The following EEPD1 variants were observed in gnomAD, a reference collection of about 807,000 sequenced individuals.
The protein encoded by EEPD1 is endonuclease/exonuclease/phosphatase family domain containing 1, also known as endonuclease/exonuclease/phosphatase family domain-containing protein 1.
A neutral mutation model predicts 46.3 loss-of-function variants in EEPD1; 17 were observed. The ratio of observed to expected loss-of-function variants is 0.37; its 90% CI spans 0.25 to 0.55. The LOEUF is 0.55. Ranked by LOEUF, EEPD1 falls within the 20% of genes least tolerant of loss-of-function variation. The pLI, the probability that EEPD1 is intolerant of heterozygous loss-of-function variation, is 0.83. For synonymous variants in EEPD1, 313 were observed against 315.6 expected (o/e 0.99, Z 0.09); for missense variants, 673 against 745.6 (o/e 0.90, Z 1.13).
At chr7:36,277,216 T>C (rs1787195001) in intron 3 of EEPD1, among the ~76,000 whole-genome samples, 1 of 152,234 alleles carries the variant, frequency 6.6e-6, no homozygotes, top group Non-Finnish European at 1.5e-5. Context: ...GGCCAGGAAG[T>C]AGAGCAGCAG....
At chr7:36,192,773 T>C (rs1398008139) in intron 2 of EEPD1, among the ~76,000 whole-genome samples, 2 of 152,192 alleles carry the variant, frequency 1.3e-5, no homozygotes, top group Non-Finnish European at 2.9e-5. Flanking sequence ...TAGAACTAAA[T>C]GTTGTTTTCG....
intron 6 of EEPD1, among the ~76,000 whole-genome samples, chr7:36,292,966 GT>G (rs1787471249): frequency 7.4e-6 from 1 of 135,856 alleles, no homozygotes; most frequent in African/African-American, 2.7e-5. Context: ...GAATATGATT[GT>G]TGGTTTGTTA....
intron 2 of EEPD1, among the ~76,000 whole-genome samples, chr7:36,206,559 G>C (rs1270884970): frequency 1.3e-5 from 2 of 152,146 alleles, no homozygotes; most frequent in African/African-American, 4.8e-5. Flanking sequence ...CTTACAGAGT[G>C]GGGCTGGAAA....
chr7:36,284,302 G>T (rs1256520263), intron 4 of EEPD1, among the ~76,000 whole-genome samples: 2 of 152,218 alleles, frequency 1.3e-5, no homozygotes, highest in African/African-American at 2.4e-5. Context: ...TCAGCTGTGG[G>T]ATTTCAGGAA....
chr7:36,198,336 AG>A lies in EEPD1; in HGVS notation c.879-40648del, dbSNP rs1344673519. Among the ~76,000 whole-genome samples, 95 of 108,690 alleles carry A rather than the reference AG, an allele frequency of 8.7e-4. No homozygotes were observed. The South Asian group carries it at 9.3e-3, about 11-fold the overall frequency. The allele number at this position is 108,690 out of a possible 152,430, so 71.3% of individuals were successfully genotyped here. A position where few individuals can be genotyped will look rare whatever the true frequency, so the allele number is the denominator to read the frequency against. The stretch of plus-strand genomic sequence containing the variant: ...AACCTGGTCTTAAGAAAAAAAAAAA[AG>A]AAAAGAAAAAAAAAAAAAAAAGAAA... On this transcript the variant is annotated intron_variant, in intron 2 of 7. Transcript: ENST00000242108.
chr7:36,174,266 T>C (rs1042140848), intron 2 of EEPD1, among the ~76,000 whole-genome samples: 2 of 152,246 alleles, frequency 1.3e-5, no homozygotes, highest in South Asian at 4.1e-4. Flanking sequence ...TCAAGCATTG[T>C]TGATTTCTGT....
chr7:36,186,502 A>T (rs918415698), intron 2 of EEPD1, among the ~76,000 whole-genome samples: 1 of 152,206 alleles, frequency 6.6e-6, no homozygotes, highest in African/African-American at 2.4e-5. Flanking sequence ...TGTCAGGCTC[A>T]TTCAAGGACA....
chr7:36,246,460 C>T (rs557327023), intron 3 of EEPD1, among the ~76,000 whole-genome samples: 1 of 152,144 alleles, frequency 6.6e-6, no homozygotes, highest in Non-Finnish European at 1.5e-5. Context: ...TTATGTATAT[C>T]GTAAGCACCA....
intron 2 of EEPD1, among the ~76,000 whole-genome samples, chr7:36,205,573 G>A (rs1346566503): frequency 6.6e-6 from 1 of 152,204 alleles, no homozygotes; most frequent in Non-Finnish European, 1.5e-5. Context: ...TGCAGGTTTT[G>A]GGTCCCAGCG....
At chr7:36,258,839 G>A (rs1053711280) in intron 3 of EEPD1, among the ~76,000 whole-genome samples, 2 of 151,268 alleles carry the variant, frequency 1.3e-5, no homozygotes, top group African/African-American at 2.4e-5. Flanking sequence ...AACGGTGAAC[G>A]GTGAACAGTT....
Position 36,239,139 on chromosome 7 carries a change from G to A in EEPD1, c.930+103G>A, listed in dbSNP as rs1786509221. 7 of 1,136,492 alleles carry A rather than the reference G, an allele frequency of 6.2e-6. No individual in the cohort carries two copies. In the South Asian group the frequency reaches 9.4e-5, roughly 15 times the overall value. 70.4% of individuals were successfully genotyped at this position (1,136,492 alleles called of 1,614,324 possible). Reference sequence around the variant, plus strand: ...CACCAGAGACAGCCCCTACTGAAAAGACGGTCAGTTATTTTGTATTCCTGA... The same window carrying A: ...CACCAGAGACAGCCCCTACTGAAAAAACGGTCAGTTATTTTGTATTCCTGA... On this transcript the variant is annotated intron_variant, in intron 3 of 7. Transcript: ENST00000242108.
chr7:36,171,224 C>T (rs1226046436), intron 2 of EEPD1, among the ~76,000 whole-genome samples: 1 of 152,214 alleles, frequency 6.6e-6, no homozygotes, highest in African/African-American at 2.4e-5. Context: ...TGCCCAGCCC[C>T]ATGCTTCATG....
chr7:36,160,955 A>G (rs1446162282), intron 2 of EEPD1, among the ~76,000 whole-genome samples: 3 of 152,168 alleles, frequency 2.0e-5, no homozygotes, highest in African/African-American at 7.2e-5. Context: ...TTATTTTAAC[A>G]TGATGCAAGG....
chr7:36,245,036 C>G (rs987287358), intron 3 of EEPD1, among the ~76,000 whole-genome samples: 5 of 151,994 alleles, frequency 3.3e-5, no homozygotes, highest in Admixed American at 2.6e-4. Context: ...ACCTTCACCT[C>G]CCAGGTGCAA....
rs56236165 is a variant in EEPD1 at position 36,165,411 on chromosome 7, C to CTTTTT, written c.878+10233_878+10237dup. ...ATGAAATCGCCTAATGATCCATTTC[C>CTTTTT]TTTTTTTTTTTTTTTTTTTTTTTTT... On this transcript the variant is annotated intron_variant, in intron 2 of 7. Coordinates refer to ENST00000242108, the MANE Select transcript of EEPD1 (RefSeq NM_030636.3). Among the ~76,000 whole-genome samples, 65 of 62,104 alleles carry CTTTTT rather than the reference C, an allele frequency of 1.0e-3. 10 individuals carry two copies. The highest frequency in any genetic ancestry group is 1.9e-3 in the South Asian group (3 of 1,576). 40.7% of individuals were successfully genotyped at this position (62,104 alleles called of 152,430 possible).
At chr7:36,297,930 T>G (rs557127017) in intron 7 of EEPD1, among the ~76,000 whole-genome samples, 9 of 152,354 alleles carry the variant, frequency 5.9e-5, no homozygotes, top group Admixed American at 5.9e-4. Context: ...GGATGCCTAT[T>G]ATACTTCAAT....
chr7:36,227,922 A>G (rs1786255942), intron 2 of EEPD1, among the ~76,000 whole-genome samples: 1 of 152,096 alleles, frequency 6.6e-6, no homozygotes. Context: ...TCCTGACCTC[A>G]GGTAATCCGC....
chr7:36,262,575 C>A (rs930517769), intron 3 of EEPD1, among the ~76,000 whole-genome samples: 1 of 152,112 alleles, frequency 6.6e-6, no homozygotes, highest in Non-Finnish European at 1.5e-5. Context: ...TGTCTCGTCT[C>A]CCCTGATTCT....
In EEPD1 at chr7:36,242,446, GTTCA is replaced by G. The variant is rs982400461; in HGVS notation, c.930+3426_930+3429del. On this transcript the variant is annotated intron_variant, in intron 3 of 7. Coordinates refer to ENST00000242108, the MANE Select transcript of EEPD1 (RefSeq NM_030636.3). ...GCTGAGTTTCCTCCTCCTTCCTTCTGTTCATTCATTCATTCATTCCCTTATGCTA... is the reference window on the plus strand; with the variant it reads ...GCTGAGTTTCCTCCTCCTTCCTTCTGTTCATTCATTCATTCCCTTATGCTA... Among the ~76,000 whole-genome samples the G allele has an allele frequency of 5.3e-5, 8 of 152,232 alleles. No individual in the cohort carries two copies. The East Asian group carries it at 1.5e-3, about 29-fold the overall frequency.
Sources: allele counts gnomAD v4.1 joint callset (sites outside exome capture counted in the v4.1 genomes callset), GRCh38; gene constraint gnomAD v4.1.1; transcripts MANE v1.5; gene names NCBI Gene and HGNC (gene_info 2026-07-23, HGNC 2026-07-21).